ECT2L: variants seen among roughly 807,000 people sequenced by gnomAD.
ECT2L encodes epithelial cell-transforming sequence 2 oncogene-like.
Under a neutral mutation model 122.8 loss-of-function variants are expected in ECT2L, and 126 were observed. The ratio of observed to expected loss-of-function variants is 1.03; its 90% CI spans 0.89 to 1.19. The LOEUF (loss-of-function observed/expected upper bound fraction) is 1.19. Among genes scored for constraint, ECT2L ranks in the 50% most tolerant of loss-of-function variants. ECT2L has a pLI of 0.00. For synonymous variants in ECT2L, 385 were observed against 381.8 expected (o/e 1.01, Z -0.10); for missense variants, 1,012 against 1,064.1 (o/e 0.95, Z 0.68).
At chr6:138,807,858 G>A (rs1775763280) in intron 1 of ECT2L, among the ~76,000 whole-genome samples, 1 of 152,160 alleles carries the variant, frequency 6.6e-6, no homozygotes, top group African/African-American at 2.4e-5. Context: ...AATAACTGCT[G>A]TGTTCCACTG....
At chr6:138,882,647 G>A in intron 15 of ECT2L, 77 bp from the exon 16 acceptor site, 1 of 1,546,396 alleles carries the variant, frequency 6.5e-7, no homozygotes, top group Non-Finnish European at 8.8e-7. Context: ...AAATGCCCAT[G>A]CTGATGACAA....
chr6:138,851,614 T>G (rs1777454684), intron 9 of ECT2L, among the ~76,000 whole-genome samples: 1 of 152,080 alleles, frequency 6.6e-6, no homozygotes, highest in African/African-American at 2.4e-5. Context: ...CATTTGGTTA[T>G]CTTCTTCAGA....
intron 13 of ECT2L, among the ~76,000 whole-genome samples, chr6:138,875,415 C>T (rs1188244298): frequency 6.6e-6 from 1 of 152,366 alleles, no homozygotes; most frequent in African/African-American, 2.4e-5. Context: ...TTCTTCCAGC[C>T]TCATCCCTGG....
chr6:138,849,567 G>A, intron 9 of ECT2L, 133 bp downstream of exon 9: 2 of 854,900 alleles, frequency 2.3e-6, no homozygotes, highest in Non-Finnish European at 3.3e-6. Context: ...TATGAAAAAA[G>A]CGAAGCTTTT....
chr6:138,846,481 TAC>T (rs1352614375), intron 7 of ECT2L, 56 bp from the exon 8 acceptor site: 12 of 1,517,414 alleles, frequency 7.9e-6, no homozygotes, highest in Non-Finnish European at 1.1e-5. Flanking sequence ...GCTGTGTACT[TAC>T]CAAAACTCAA....
chr6:138,864,882 A>G, intron 11 of ECT2L, 114 bp from the exon 12 acceptor site: 1 of 986,572 alleles, frequency 1.0e-6, no homozygotes, highest in Non-Finnish European at 1.4e-6. Flanking sequence ...CTAATGAGAA[A>G]CGATAATAAA....
chr6:138,825,927 T>C (rs1489591702), intron 4 of ECT2L, among the ~76,000 whole-genome samples: 4 of 152,216 alleles, frequency 2.6e-5, no homozygotes, highest in Admixed American at 2.0e-4. Flanking sequence ...GTTGAACTTA[T>C]CGCCCAAAAT....
At chr6:138,861,575 A>AT (rs1012818290) in intron 10 of ECT2L, among the ~76,000 whole-genome samples, 18 of 150,794 alleles carry the variant, frequency 1.2e-4, no homozygotes, top group Admixed American at 5.3e-4. Flanking sequence ...TTTGATGGGG[A>AT]TTTTTTTTTC....
intron 12 of ECT2L, among the ~76,000 whole-genome samples, chr6:138,866,838 C>T (rs1394977354): frequency 6.6e-6 from 1 of 151,944 alleles, no homozygotes; most frequent in African/African-American, 2.4e-5. Context: ...TTTGGGAAGC[C>T]AAGGCAGGTG....
intron 10 of ECT2L, 53 bp from the exon 11 acceptor site, chr6:138,862,574 C>T (rs1582628587): frequency 6.5e-7 from 1 of 1,533,266 alleles, no homozygotes; most frequent in Admixed American, 1.7e-5. Flanking sequence ...GTTATATGAT[C>T]TTCCATGGCA....
At chr6:138,834,603 CTTATT>C (rs912131960) in intron 4 of ECT2L, among the ~76,000 whole-genome samples, 10 of 152,026 alleles carry the variant, frequency 6.6e-5, no homozygotes, top group African/African-American at 1.7e-4. Context: ...TGTTTTGCCT[CTTATT>C]TTATTACTGT....
intron 8 of ECT2L, among the ~76,000 whole-genome samples, chr6:138,847,537 ATTTTTTTTTTTT>A (rs777070599): frequency 1.6e-5 from 2 of 123,832 alleles, no homozygotes; most frequent in African/African-American, 6.1e-5. Context: ...TGCCCGGCTA[ATTTTTTTTTTTT>A]TTTTTTTTTT....
chr6:138,853,769 C>A (rs548169543), intron 9 of ECT2L, among the ~76,000 whole-genome samples: 1 of 152,208 alleles, frequency 6.6e-6, no homozygotes, highest in Admixed American at 6.5e-5. Context: ...GATATCTTAC[C>A]CTGCTGCACA....
intron 16 of ECT2L, among the ~76,000 whole-genome samples, chr6:138,884,447 G>A (rs1778743644): frequency 2.0e-5 from 3 of 152,034 alleles, no homozygotes; most frequent in Non-Finnish European, 4.4e-5. Context: ...AGACCAGCCT[G>A]GCCAACATGG....
rs1779431768 is a variant in ECT2L at position 138,902,394 on chromosome 6, G to C, written c.2588-106G>C. 9.7e-6 allele frequency: 10 copies of C among 1,036,052 alleles called. No homozygotes were observed. The South Asian group carries it at 1.4e-4, about 14-fold the overall frequency. The allele number at this position is 1,036,052 out of a possible 1,614,324, so 64.2% of individuals were successfully genotyped here. On this transcript the variant is annotated intron_variant, in intron 21 of 21. Coordinates refer to ENST00000541398, the MANE Select transcript of ECT2L (RefSeq NM_001077706.3). Reference sequence around the variant, plus strand: ...TACACTGAATATGTATTTCTTTTTAGGTTTTAAAAAATTCTTAAAGATGAT... The same window carrying C: ...TACACTGAATATGTATTTCTTTTTACGTTTTAAAAAATTCTTAAAGATGAT...
rs1779383007 is a variant in ECT2L, at chr6:138,901,114, T to C, written c.2581T>C (p.Ser861Pro). 6.2e-7 allele frequency: 1 copy of C among 1,613,784 alleles called. No homozygotes were observed. Among genetic ancestry groups the C allele is most frequent in the Non-Finnish European group, 8.5e-7 (1 of 1,179,888 alleles). ...HRLLIENIPD[S>P]KYVKNAFILQ... ...GTTACTCATAGAAAATATTCCAGAT[T>C]CCAAGTGTATGTATTCTTTTCCTTC... is the stretch of plus-strand genomic sequence containing the variant. Residue 861 changes from serine (S) to proline (P), a missense_variant, in exon 21 of 22, where the codon TCC becomes CCC. Physicochemically the swap from Ser to Pro is moderately conservative, Grantham distance 74. Transcript: ENST00000541398.
At chr6:138,797,039 C>T (rs1373855622) in intron 1 of ECT2L, among the ~76,000 whole-genome samples, 1 of 152,176 alleles carries the variant, frequency 6.6e-6, no homozygotes, top group African/African-American at 2.4e-5. Flanking sequence ...AATCAGTGAG[C>T]ACATCCACCA....
chr6:138,866,684 T>A lies in ECT2L; in HGVS notation c.1475-1419T>A, dbSNP rs559339481. Among the ~76,000 whole-genome samples, 9 of 152,318 alleles carry A rather than the reference T, an allele frequency of 5.9e-5. No individual in the cohort carries two copies. The South Asian group carries it at 8.3e-4, about 14-fold the overall frequency. ...ATGAGAAGAAAATGGAAAAACAATT[T>A]TTTAAATAACTGCATGGTGTTAAAA... is the stretch of plus-strand genomic sequence containing the variant. On this transcript the variant is annotated intron_variant, in intron 12 of 21. Transcript: ENST00000541398.
intron 1 of ECT2L, among the ~76,000 whole-genome samples, chr6:138,812,021 G>A (rs894179404): frequency 6.6e-6 from 1 of 152,082 alleles, no homozygotes; most frequent in African/African-American, 2.4e-5. Context: ...TGCACTCCAG[G>A]CTGAACAACA....
Sources: allele counts gnomAD v4.1 joint callset (sites outside exome capture counted in the v4.1 genomes callset), GRCh38; gene constraint gnomAD v4.1.1; transcripts MANE v1.5; gene names NCBI Gene and HGNC (gene_info 2026-07-23, HGNC 2026-07-21).